The following PRKCE variants were observed in gnomAD, a reference collection of about 807,000 sequenced individuals.
PRKCE encodes the protein protein kinase C epsilon, also known as protein kinase C epsilon type.
In PRKCE, 16 loss-of-function variants were observed where a neutral mutation model predicts 85.4. The observed-to-expected ratio is 0.19, with a 90% CI of 0.13 to 0.28. The LOEUF is 0.28. PRKCE is among the 10% of genes least tolerant of loss of function. The pLI is 1.00. For missense variants in PRKCE, 573 were observed against 975.2 expected (o/e 0.59, Z 5.49); for synonymous variants, 388 against 371.5 (o/e 1.04, Z -0.51).
At chr2:45,961,243 C>A (rs556048989) in intron 2 of PRKCE, among the ~76,000 whole-genome samples, 2 of 152,168 alleles carry the variant, frequency 1.3e-5, no homozygotes, top group African/African-American at 2.4e-5. Flanking sequence ...CTTTCCCCCC[C>A]CGATTTGGTT....
chr2:46,122,563 G>T (rs944185594), intron 11 of PRKCE, among the ~76,000 whole-genome samples: 1 of 152,166 alleles, frequency 6.6e-6, no homozygotes, highest in Admixed American at 6.5e-5. Context: ...CCTTAGTGAT[G>T]AAATATGTAA....
intron 11 of PRKCE, among the ~76,000 whole-genome samples, chr2:46,087,122 T>G (rs996551743): frequency 7.9e-5 from 12 of 151,178 alleles, no homozygotes; most frequent in Non-Finnish European, 1.8e-4. Flanking sequence ...TGGTCTTTGC[T>G]TCTTCTTTTT....
At chr2:45,936,760 G>C (rs765122956) in intron 2 of PRKCE, among the ~76,000 whole-genome samples, 11 of 152,220 alleles carry the variant, frequency 7.2e-5, no homozygotes, top group African/African-American at 2.4e-4. Flanking sequence ...TTAAAGAAGT[G>C]TGATTTTGGA....
At chr2:45,919,399 A>G (rs934902786) in intron 2 of PRKCE, among the ~76,000 whole-genome samples, 16 of 152,246 alleles carry the variant, frequency 1.1e-4, no homozygotes, top group South Asian at 4.1e-4. Context: ...ACCACAGGAA[A>G]GCCAGCGTAG....
chr2:45,990,732 G>A (rs1703726723), intron 6 of PRKCE, among the ~76,000 whole-genome samples: 1 of 150,748 alleles, frequency 6.6e-6, no homozygotes, highest in Non-Finnish European at 1.5e-5. Context: ...TCGGCTCTCA[G>A]CTCACTGCAA....
chr2:45,854,634 T>C (rs764561634), intron 2 of PRKCE, among the ~76,000 whole-genome samples: 15 of 152,224 alleles, frequency 9.9e-5, no homozygotes, highest in Non-Finnish European at 1.6e-4. Context: ...GTTAAGCCAA[T>C]GCTCAGGATT....
intron 11 of PRKCE, among the ~76,000 whole-genome samples, chr2:46,123,889 A>T (rs1292212021): frequency 6.6e-6 from 1 of 152,264 alleles, no homozygotes; most frequent in African/African-American, 2.4e-5. Context: ...CAATGAATGA[A>T]GAAGCAAATG....
At chr2:45,901,135 A>G (rs1696548872) in intron 2 of PRKCE, among the ~76,000 whole-genome samples, 1 of 152,228 alleles carries the variant, frequency 6.6e-6, no homozygotes, top group Admixed American at 6.5e-5. Context: ...CTATGTATAT[A>G]GATGTTTGGA....
intron 2 of PRKCE, among the ~76,000 whole-genome samples, chr2:45,953,583 T>C (rs549536778): frequency 3.4e-4 from 52 of 152,248 alleles, no homozygotes; most frequent in African/African-American, 1.2e-3. Flanking sequence ...CACTGCTGAG[T>C]CAGAAAGTCA....
chr2:46,039,657 C>T (rs1708105308), intron 10 of PRKCE, among the ~76,000 whole-genome samples: 1 of 152,164 alleles, frequency 6.6e-6, no homozygotes, highest in Non-Finnish European at 1.5e-5. Context: ...TTGGCTCAGC[C>T]TTCCTCTTCC....
At chr2:46,007,774 T>C in intron 9 of PRKCE, 113 bp downstream of exon 9, 1 of 1,238,776 alleles carries the variant, frequency 8.1e-7, no homozygotes, top group Non-Finnish European at 1.1e-6. Context: ...CGTTAGGTTT[T>C]CTTTCCTTTT....
chr2:46,022,002 C>G (rs72876144), intron 10 of PRKCE, among the ~76,000 whole-genome samples: 114 of 152,182 alleles, frequency 7.5e-4, no homozygotes, highest in African/African-American at 2.6e-3. Context: ...ACTTTTTGTC[C>G]TAGTGGTCTG....
intron 6 of PRKCE, among the ~76,000 whole-genome samples, chr2:45,992,000 C>T (rs557245680): frequency 9.2e-5 from 14 of 152,258 alleles, no homozygotes; most frequent in African/African-American, 2.6e-4. Flanking sequence ...TTGTGCAAGG[C>T]GTCGTGGTGA....
intron 2 of PRKCE, among the ~76,000 whole-genome samples, chr2:45,975,222 T>C (rs1402135614): frequency 6.6e-6 from 1 of 152,212 alleles, no homozygotes; most frequent in Admixed American, 6.5e-5. Flanking sequence ...AGATGTATTG[T>C]ATCACTAAGA....
At chr2:45,745,964 A>G (rs751860351) in intron 1 of PRKCE, among the ~76,000 whole-genome samples, 1 of 152,184 alleles carries the variant, frequency 6.6e-6, no homozygotes, top group Non-Finnish European at 1.5e-5. Flanking sequence ...CCATGCTAAG[A>G]TGTTTTTTCT....
chr2:45,798,324 G>C (rs1462304264), intron 1 of PRKCE, among the ~76,000 whole-genome samples: 2 of 152,186 alleles, frequency 1.3e-5, no homozygotes, highest in South Asian at 4.1e-4. Context: ...AGAAACTGAG[G>C]CTCCCAAGAG....
rs1230806955 is a variant in PRKCE at position 45,978,970 on chromosome 2, T to C, written c.573-6T>C. 4 of 1,599,056 alleles carry C rather than the reference T, an allele frequency of 2.5e-6. No individual in the cohort carries two copies. The highest frequency in any genetic ancestry group is 3.4e-6 in the Non-Finnish European group (4 of 1,179,536). On this transcript the variant is annotated splice_region_variant and splice_polypyrimidine_tract_variant and intron_variant, in intron 3 of 14. Coordinates refer to ENST00000306156, the MANE Select transcript of PRKCE (RefSeq NM_005400.3). ...TTTTTTAAAAAAATGTTATTCTTCT[T>C]TTCAGGGGTGTCATAGGAAAGCAGG... is the stretch of plus-strand genomic sequence containing the variant.
chr2:45,685,089 A>G (rs1309632493), intron 1 of PRKCE, among the ~76,000 whole-genome samples: 1 of 152,232 alleles, frequency 6.6e-6, no homozygotes, highest in East Asian at 1.9e-4. Context: ...ACGAGAATAA[A>G]AGGGCACTTG....
intron 10 of PRKCE, among the ~76,000 whole-genome samples, chr2:46,034,594 G>A (rs116345212): frequency 9.2e-5 from 14 of 152,302 alleles, no homozygotes; most frequent in Non-Finnish European, 1.3e-4. Context: ...GGACACCACA[G>A]TAACTCAGTC....
Sources: gnomAD v4.1 joint callset for allele counts (sites outside exome capture counted in the v4.1 genomes callset) on GRCh38, gnomAD v4.1.1 for gene constraint, MANE v1.5 for transcripts, NCBI Gene and HGNC (gene_info 2026-07-23, HGNC 2026-07-21) for gene names.